GRM8: variants seen among roughly 807,000 people sequenced by gnomAD.
GRM8 encodes glutamate metabotropic receptor 8, also known as metabotropic glutamate receptor 8.
Under a neutral mutation model 87.2 loss-of-function variants are expected in GRM8, and 47 were observed. That is an observed-to-expected ratio of 0.54 (90% CI 0.43 to 0.69). The LOEUF (loss-of-function observed/expected upper bound fraction) is 0.69, where lower values mean the gene tolerates loss of function less well. GRM8 is among the 30% of genes least tolerant of loss of function. GRM8 has a pLI of 0.00. For synonymous variants in GRM8, 396 were observed against 404.5 expected (o/e 0.98, Z 0.25); for missense variants, 1,019 against 1,139.2 (o/e 0.89, Z 1.52).
chr7:126,824,419 A>T (rs1414273179), intron 6 of GRM8, among the ~76,000 whole-genome samples: 1 of 152,228 alleles, frequency 6.6e-6, no homozygotes, highest in Non-Finnish European at 1.5e-5. Flanking sequence ...AACTTTGTTG[A>T]TCCACTTCCC....
chr7:126,537,643 G>T (rs181398307), intron 8 of GRM8, among the ~76,000 whole-genome samples: 102 of 152,222 alleles, frequency 6.7e-4, no homozygotes, highest in African/African-American at 2.3e-3. Flanking sequence ...CGGGCATGGT[G>T]GCAGGTGCCT....
At chr7:126,483,008 C>T (rs933989594) in intron 9 of GRM8, among the ~76,000 whole-genome samples, 4 of 149,830 alleles carry the variant, frequency 2.7e-5, no homozygotes, top group African/African-American at 9.8e-5. Context: ...TATATCTTAT[C>T]CAAGATGTTT....
chr7:126,958,780 A>C (rs1003036), intron 3 of GRM8, among the ~76,000 whole-genome samples: 37 of 152,048 alleles, frequency 2.4e-4, no homozygotes, highest in African/African-American at 8.4e-4. Context: ...GAATAATCTA[A>C]AGGGAAAAGA....
rs1259025344 is a variant in GRM8, at chr7:127,028,261, T to G, written c.727+78235A>C. 2.0e-5 allele frequency among the ~76,000 whole-genome samples: 3 copies of G among 152,190 alleles called. No homozygotes were observed. The East Asian group carries it at 5.8e-4, about 29-fold the overall frequency. ...AGTATTTTATTAAGGATTTTCGCAT[T>G]GATGTTCATCAGGGATATTGGCCTA... is the stretch of plus-strand genomic sequence containing the variant. On this transcript the variant is annotated intron_variant, in intron 3 of 10. Transcript: ENST00000339582.
At chr7:126,981,279 A>G (rs1281291161) in intron 3 of GRM8, 1 of 152,216 alleles carries the variant, frequency 6.6e-6, no homozygotes, top group East Asian at 1.9e-4. Flanking sequence ...TATGCCAAGA[A>G]CCCTGTCTGA....
At chr7:127,189,679 G>A (rs1455553866) in intron 2 of GRM8, among the ~76,000 whole-genome samples, 1 of 152,128 alleles carries the variant, frequency 6.6e-6, no homozygotes, top group African/African-American at 2.4e-5. Context: ...GATAACTGTG[G>A]GTGAAAAGAA....
chr7:127,093,493 AC>A (rs1461120295), intron 3 of GRM8, among the ~76,000 whole-genome samples: 7 of 152,136 alleles, frequency 4.6e-5, no homozygotes, highest in South Asian at 2.1e-4. Flanking sequence ...ATTCTGAACA[AC>A]CCTATTTCCC....
intron 2 of GRM8, among the ~76,000 whole-genome samples, chr7:127,110,764 A>T (rs1158537120): frequency 6.6e-6 from 1 of 152,160 alleles, no homozygotes; most frequent in African/African-American, 2.4e-5. Context: ...GCTCCAGAAC[A>T]AACATTTCCT....
At chr7:126,733,577 A>C (rs1813853317) in intron 7 of GRM8, among the ~76,000 whole-genome samples, 1 of 151,676 alleles carries the variant, frequency 6.6e-6, no homozygotes, top group Non-Finnish European at 1.5e-5. Context: ...ATTATATTAA[A>C]AACAATATAC....
At chr7:127,108,382 C>A (rs185908405) in intron 2 of GRM8, among the ~76,000 whole-genome samples, 1 of 152,044 alleles carries the variant, frequency 6.6e-6, no homozygotes, top group Non-Finnish European at 1.5e-5. Flanking sequence ...TATATCCTAA[C>A]GAAAATAAGT....
At chr7:126,899,143 A>T (rs376748692) in intron 6 of GRM8, among the ~76,000 whole-genome samples, 1 of 56,850 alleles carries the variant, frequency 1.8e-5, no homozygotes, top group African/African-American at 6.3e-5. Flanking sequence ...GTATGAGTCC[A>T]TCCATTTCAT....
chr7:126,674,199 A>C (rs1806697969), intron 7 of GRM8, among the ~76,000 whole-genome samples: 1 of 152,232 alleles, frequency 6.6e-6, no homozygotes, highest in Non-Finnish European at 1.5e-5. Context: ...CTAGAGATTT[A>C]ATAATCCCCA....
At chr7:126,756,207 CAA>C (rs1302951967) in intron 7 of GRM8, among the ~76,000 whole-genome samples, 1 of 151,060 alleles carries the variant, frequency 6.6e-6, no homozygotes, top group Non-Finnish European at 1.5e-5. Flanking sequence ...CAACCCCATG[CAA>C]AAAAAATATA....
At chr7:126,664,817 A>G (rs1380538110) in intron 7 of GRM8, among the ~76,000 whole-genome samples, 7 of 152,074 alleles carry the variant, frequency 4.6e-5, no homozygotes, top group African/African-American at 1.7e-4. Flanking sequence ...AAAAGAAACT[A>G]TCAAACTGCA....
At chr7:126,510,293 C>A (rs943558294) in intron 9 of GRM8, among the ~76,000 whole-genome samples, 130 of 129,774 alleles carry the variant, frequency 1.0e-3, no homozygotes, top group South Asian at 1.2e-3. Flanking sequence ...TAGGTTTTAG[C>A]AAAAAAAAAA....
At chr7:126,566,419 C>A (rs777095955) in intron 8 of GRM8, among the ~76,000 whole-genome samples, 1 of 152,074 alleles carries the variant, frequency 6.6e-6, no homozygotes, top group Non-Finnish European at 1.5e-5. Flanking sequence ...GCTATGAGAA[C>A]AAATGCTCAA....
chr7:127,172,607 C>T (rs1042763020), intron 2 of GRM8, among the ~76,000 whole-genome samples: 2 of 151,652 alleles, frequency 1.3e-5, no homozygotes, highest in African/African-American at 2.4e-5. Context: ...ACTCAGGAGG[C>T]TGAGGCAGGA....
intron 7 of GRM8, among the ~76,000 whole-genome samples, chr7:126,695,988 G>T (rs61514376): frequency 0.032 from 4,922 of 152,192 alleles, 243 homozygotes; most frequent in African/African-American, 0.11. Flanking sequence ...GAGAGACAGG[G>T]ATAAAGAAAA....
At chr7:126,619,956 G>A (rs1799941049) in intron 7 of GRM8, among the ~76,000 whole-genome samples, 1 of 152,016 alleles carries the variant, frequency 6.6e-6, no homozygotes, top group Non-Finnish European at 1.5e-5. Context: ...CTCCCAAAAT[G>A]CCAGAATTAC....
Sources: allele counts gnomAD v4.1 joint callset (sites outside exome capture counted in the v4.1 genomes callset), GRCh38; gene constraint gnomAD v4.1.1; transcripts MANE v1.5; gene names NCBI Gene and HGNC (gene_info 2026-07-23, HGNC 2026-07-21).